SLCO1A2: variants seen among roughly 807,000 people sequenced by gnomAD.
SLCO1A2 encodes solute carrier organic anion transporter family member 1A2, also known as OATP-1.
A neutral mutation model predicts 69.0 loss-of-function variants in SLCO1A2; 67 were observed. The ratio of observed to expected loss-of-function variants is 0.97; its 90% CI spans 0.80 to 1.19. SLCO1A2 has a LOEUF of 1.19. Among genes scored for constraint, SLCO1A2 ranks in the 50% most tolerant of loss-of-function variants. The pLI, the probability that SLCO1A2 is intolerant of heterozygous loss-of-function variation, is 0.00. For missense variants in SLCO1A2, 787 were observed against 793.7 expected (o/e 0.99, Z 0.10); for synonymous variants, 260 against 265.9 (o/e 0.98, Z 0.22).
At chr12:21,338,818 T>C (rs1455801480), upstream of SLCO1A2, among the ~76,000 whole-genome samples, 4 of 149,604 alleles carry the variant, frequency 2.7e-5, no homozygotes, top group African/African-American at 1.0e-4. Context: ...TATCTGTTTA[T>C]AAGGCTCAAA....
At chr12:21,310,476 G>C (rs1371841429) in intron 4 of SLCO1A2, among the ~76,000 whole-genome samples, 1 of 152,220 alleles carries the variant, frequency 6.6e-6, no homozygotes, top group Non-Finnish European at 1.5e-5. Context: ...GGCTGATCAG[G>C]GTAGCGGCTG....
At chr12:21,351,347 C>A (rs188128740) in intron 2 of SLCO1A2, among the ~76,000 whole-genome samples, 1 of 152,282 alleles carries the variant, frequency 6.6e-6, no homozygotes, top group East Asian at 1.9e-4. Context: ...AGTCCACCTG[C>A]AACATATTCC....
At chr12:21,328,284 G>A (rs974252849) in intron 2 of SLCO1A2, among the ~76,000 whole-genome samples, 11 of 152,162 alleles carry the variant, frequency 7.2e-5, no homozygotes, top group Non-Finnish European at 1.5e-4. Context: ...GAATCTATGG[G>A]AAAGAGAAGA....
intron 2 of SLCO1A2, among the ~76,000 whole-genome samples, chr12:21,323,142 A>G (rs1951848396): frequency 6.6e-6 from 1 of 152,260 alleles, no homozygotes; most frequent in African/African-American, 2.4e-5. Context: ...GCCAAAGGCC[A>G]GGTTACAAAA....
At chr12:21,382,652 G>A (rs544829284) in intron 1 of SLCO1A2, among the ~76,000 whole-genome samples, 155 of 151,932 alleles carry the variant, frequency 1.0e-3, no homozygotes, top group African/African-American at 3.4e-3. Context: ...AAAATTAGCC[G>A]GGAATGATGG....
intron 1 of SLCO1A2, among the ~76,000 whole-genome samples, chr12:21,409,674 C>A (rs1313352288): frequency 1.3e-5 from 2 of 152,120 alleles, no homozygotes; most frequent in African/African-American, 4.8e-5. Flanking sequence ...AATCCCAATG[C>A]AAAGTATTAA....
chr12:21,274,569 T>C lies in SLCO1A2; in HGVS notation c.1693A>G (p.Ile565Val). The C allele has an allele frequency of 6.2e-7, 1 of 1,610,458 alleles. No individual in the cohort carries two copies. The highest frequency in any genetic ancestry group is 1.1e-5 in the South Asian group (1 of 91,002). ...TRVFAGIPAP[I>V]YFGALMDSTC... ...GAATCCATTAAAGCGCCAAAATATA[T>C]AGGTGCAGGAATGCCAGCTACAATT... The change falls in exon 14 of 15, where the codon ATA becomes GTA. Residue 565 changes from isoleucine to valine, a missense_variant. Ile to Val is a conservative substitution (Grantham distance 29). Transcript: ENST00000683939.
chr12:21,274,555 A>C lies in SLCO1A2; in HGVS notation c.1707T>G (p.Ala569=). 6.2e-7 allele frequency: 1 copy of C among 1,613,642 alleles called. No homozygotes were observed. The highest frequency in any genetic ancestry group is 1.7e-4 in the Middle Eastern group (1 of 6,054). Residue 569 remains alanine, a synonymous_variant, in exon 14 of 15, where the codon GCT becomes GCG. Coordinates refer to ENST00000683939, the MANE Select transcript of SLCO1A2 (RefSeq NM_001386879.1). ...AGIPAPIYFG[A]LMDSTCLHWG... ...AGTGTAAACATGTGGAATCCATTAAAGCGCCAAAATATATAGGTGCAGGAA... is the reference window on the plus strand; with the variant it reads ...AGTGTAAACATGTGGAATCCATTAACGCGCCAAAATATATAGGTGCAGGAA...
chr12:21,391,743 A>G (rs1401812105), intron 1 of SLCO1A2, among the ~76,000 whole-genome samples: 1 of 151,754 alleles, frequency 6.6e-6, no homozygotes, highest in Non-Finnish European at 1.5e-5. Context: ...TTCAAAAGAA[A>G]AAAAAAAAAG....
intron 12 of SLCO1A2, among the ~76,000 whole-genome samples, chr12:21,290,413 C>T (rs1591798508): frequency 6.6e-6 from 1 of 152,070 alleles, no homozygotes; most frequent in Non-Finnish European, 1.5e-5. Flanking sequence ...GAGATATTAA[C>T]ATTTGCAAGG....
chr12:21,393,466 A>G (rs1336931473), intron 1 of SLCO1A2, among the ~76,000 whole-genome samples: 1 of 152,224 alleles, frequency 6.6e-6, no homozygotes, highest in Non-Finnish European at 1.5e-5. Flanking sequence ...ATATAGATAT[A>G]AAATTCTCAA....
At chr12:21,417,003 G>A (rs1182226171) in intron 1 of SLCO1A2, among the ~76,000 whole-genome samples, 5 of 152,122 alleles carry the variant, frequency 3.3e-5, no homozygotes, top group African/African-American at 4.8e-5. Context: ...CTCAGTGATT[G>A]AGAATGTTGA....
intron 12 of SLCO1A2, among the ~76,000 whole-genome samples, chr12:21,286,783 G>A (rs568968890): frequency 9.7e-6 from 1 of 102,792 alleles, no homozygotes; most frequent in Non-Finnish European, 1.9e-5. Context: ...TTAATAAATG[G>A]TGCTGGGAAA....
At chr12:21,292,873 G>T (rs7978322) in intron 11 of SLCO1A2, among the ~76,000 whole-genome samples, 25,534 of 152,076 alleles carry the variant, frequency 0.17, 2,668 homozygotes, top group African/African-American at 0.29. Flanking sequence ...GGATTCCTAG[G>T]TGTGAGACAC....
At chr12:21,335,965 T>TC (rs1279454269), upstream of SLCO1A2, among the ~76,000 whole-genome samples, 1 of 152,118 alleles carries the variant, frequency 6.6e-6, no homozygotes. Flanking sequence ...CCAAGGAACT[T>TC]AAACTTTCAT....
chr12:21,311,160 C>T (rs1249449960), intron 4 of SLCO1A2, among the ~76,000 whole-genome samples: 1 of 152,192 alleles, frequency 6.6e-6, no homozygotes, highest in Non-Finnish European at 1.5e-5. Context: ...AATTAAGTCA[C>T]ATCTTCAGGT....
intron 2 of SLCO1A2, among the ~76,000 whole-genome samples, chr12:21,347,049 A>G (rs1953275163): frequency 1.3e-5 from 2 of 152,158 alleles, no homozygotes; most frequent in Admixed American, 1.3e-4. Context: ...GTGTTTTAAC[A>G]TATAGAGGAG....
intron 1 of SLCO1A2, among the ~76,000 whole-genome samples, chr12:21,416,755 A>G (rs1941996135): frequency 1.3e-5 from 2 of 152,170 alleles, no homozygotes; most frequent in Admixed American, 1.3e-4. Context: ...CATCCTCATC[A>G]CAAATGAAGG....
intron 6 of SLCO1A2, among the ~76,000 whole-genome samples, chr12:21,304,207 G>A (rs946250941): frequency 2.0e-5 from 3 of 152,114 alleles, no homozygotes; most frequent in Non-Finnish European, 4.4e-5. Flanking sequence ...CACTAGACTT[G>A]TGGTATTTCC....
Sources: gnomAD v4.1 joint callset for allele counts (sites outside exome capture counted in the v4.1 genomes callset) on GRCh38, gnomAD v4.1.1 for gene constraint, MANE v1.5 for transcripts, NCBI Gene and HGNC (gene_info 2026-07-23, HGNC 2026-07-21) for gene names.